Variants in TET1 observed in about 807,000 individuals in gnomAD.
TET1 encodes tet methylcytosine dioxygenase 1.
A neutral mutation model predicts 148.7 loss-of-function variants in TET1; 13 were observed. The observed-to-expected ratio is 0.09, with a 90% CI of 0.06 to 0.14. TET1 has a LOEUF of 0.14. Ranked by LOEUF, TET1 falls within the 10% of genes least tolerant of loss-of-function variation. The probability of loss-of-function intolerance (pLI) is 1.00; values close to 1 mark genes in which losing one functional copy is unlikely to be tolerated. For synonymous variants in TET1, 907 were observed against 937.2 expected (o/e 0.97, Z 0.59); for missense variants, 2,182 against 2,553.8 (o/e 0.85, Z 3.14).
chr10:68,668,302 G>A (rs1027771087), intron 7 of TET1, among the ~76,000 whole-genome samples: 3 of 152,134 alleles, frequency 2.0e-5, no homozygotes, highest in African/African-American at 7.2e-5. Context: ...TTTGGATCTG[G>A]ATGTTGAGTG....
chr10:68,644,758 T>A lies in TET1; in HGVS notation c.2029T>A (p.Cys677Ser), dbSNP rs146391369. ...PKSESMDYSR[C>S]GHGEEQKLEL... ...GTCAGAATCCATGGACTACAGTAGA[T>A]GTGGTCATGGGGAAGAACAAAAATT... The change falls in exon 4 of 12, where the codon TGT (cysteine) becomes AGT (serine). Residue 677 changes from cysteine to serine, a missense_variant. Cys to Ser is a moderately radical substitution (Grantham distance 112). Around this residue, in one of 11 missense-constraint regions of TET1, gnomAD observed 226 missense variants for 307.4 expected, o/e 0.74. Transcript: ENST00000373644. 3.1e-4 allele frequency: 507 copies of A among 1,611,610 alleles called. No homozygotes were observed. Among genetic ancestry groups the A allele is most frequent in the Non-Finnish European group, 3.9e-4 (461 of 1,179,418 alleles).
chr10:68,644,961 A>G lies in TET1; in HGVS notation c.2232A>G (p.Lys744=), dbSNP rs375297422. ...EKSKNSEVDK[K]RTKSPKLFVQ... is the part of the protein sequence containing the mutation. ...CGAAAAACTCTGAAGTTGACAAGAA[A>G]CGAACCAAATCTCCAAAATTGTTTG... Residue 744 remains lysine (K), a synonymous_variant, in exon 4 of 12, where the codon AAA becomes AAG. Transcript: ENST00000373644. 1.7e-5 allele frequency: 28 copies of G among 1,613,602 alleles called. 1 individual carries two copies. Among genetic ancestry groups the G allele is most frequent in the African/African-American group, 1.7e-4 (13 of 75,036 alleles).
chr10:68,683,655 G>T (rs571936226), intron 10 of TET1, among the ~76,000 whole-genome samples: 43 of 150,974 alleles, frequency 2.8e-4, no homozygotes, highest in Non-Finnish European at 5.0e-4. Context: ...CTCGTGATCC[G>T]CCCACCTTGG....
intron 1 of TET1, among the ~76,000 whole-genome samples, chr10:68,561,942 A>G (rs1177372938): frequency 1.3e-5 from 2 of 151,720 alleles, no homozygotes; most frequent in Non-Finnish European, 2.9e-5. Flanking sequence ...TCCCAAATTA[A>G]CCAACCTTTC....
chr10:68,598,956 G>GCC (rs2054020054), intron 2 of TET1, among the ~76,000 whole-genome samples: 1 of 152,058 alleles, frequency 6.6e-6, no homozygotes, highest in Non-Finnish European at 1.5e-5. Flanking sequence ...CAAAGTGTTA[G>GCC]GATTACAGGC....
intron 2 of TET1, among the ~76,000 whole-genome samples, chr10:68,590,421 C>T (rs2053906335): frequency 6.6e-6 from 1 of 152,220 alleles, no homozygotes; most frequent in Middle Eastern, 3.4e-3. Flanking sequence ...CATGAGCCAC[C>T]ACACCCAGCT....
chr10:68,560,449 C>G lies in TET1; in HGVS notation c.-416C>G, dbSNP rs1035469403. On this transcript the variant is annotated 5_prime_UTR_variant, in exon 1 of 12. Coordinates refer to ENST00000373644, the MANE Select transcript of TET1 (RefSeq NM_030625.3). ...TTTGTGCGCGCAGCCGCTGGCCCCT[C>G]TACTCCCGGGTCTGCCCCCCGGGAC... Among the ~76,000 whole-genome samples, 1 of 152,242 alleles carries G rather than the reference C, an allele frequency of 6.6e-6. No individual in the cohort carries two copies. Among genetic ancestry groups the G allele is most frequent in the African/African-American group, 2.4e-5 (1 of 41,468 alleles).
At chr10:68,620,918 A>C (rs2054361048) in intron 3 of TET1, among the ~76,000 whole-genome samples, 2 of 152,142 alleles carry the variant, frequency 1.3e-5, no homozygotes, top group East Asian at 3.9e-4. Flanking sequence ...ACATCTTTTC[A>C]TGTGCCTCTT....
chr10:68,585,364 C>T (rs931704613), intron 2 of TET1, among the ~76,000 whole-genome samples: 13 of 152,088 alleles, frequency 8.5e-5, no homozygotes, highest in Non-Finnish European at 1.6e-4. Context: ...GAACTCCTGA[C>T]GTCAGGTGAT....
chr10:68,670,575 C>T (rs1316475897), intron 7 of TET1, among the ~76,000 whole-genome samples: 2 of 152,218 alleles, frequency 1.3e-5, no homozygotes. Flanking sequence ...GATCTCACAA[C>T]TTATCACATT....
chr10:68,579,547 G>A (rs1486585140), intron 2 of TET1, among the ~76,000 whole-genome samples: 2 of 152,192 alleles, frequency 1.3e-5, no homozygotes, highest in Admixed American at 6.5e-5. Context: ...AGGGAAATCA[G>A]GAAGCTGAAT....
chr10:68,657,176 ATT>A (rs1169492294), intron 6 of TET1, among the ~76,000 whole-genome samples: 1 of 151,776 alleles, frequency 6.6e-6, no homozygotes, highest in African/African-American at 2.4e-5. Context: ...TACAAAAAAA[ATT>A]TTTTTTCTTT....
rs1371106864 is a variant in TET1 at position 68,584,582 on chromosome 10, ACCTGT to A, written c.1914+10331_1914+10335del. ...AAATTAGCCAGGCGTGGTGGCATGC[ACCTGT>A]AATCCCAGCTATGAGGGAGGCTGAG... On this transcript the variant is annotated intron_variant, in intron 2 of 11. Coordinates refer to ENST00000373644, the MANE Select transcript of TET1 (RefSeq NM_030625.3). 3.6e-3 allele frequency among the ~76,000 whole-genome samples: 542 copies of A among 150,432 alleles called. 2 individuals carry two copies. Among genetic ancestry groups the A allele is most frequent in the African/African-American group, 0.013 (525 of 41,140 alleles).
At chr10:68,689,428 C>T (rs545612874) in intron 11 of TET1, among the ~76,000 whole-genome samples, 5 of 152,258 alleles carry the variant, frequency 3.3e-5, no homozygotes, top group South Asian at 2.1e-4. Flanking sequence ...AGGGGCTAGG[C>T]GTGGTGGCTC....
intron 2 of TET1, among the ~76,000 whole-genome samples, chr10:68,579,683 T>C (rs1001729392): frequency 3.3e-5 from 5 of 152,232 alleles, no homozygotes; most frequent in African/African-American, 1.2e-4. Flanking sequence ...AGCAAAACTT[T>C]CAGGGCCTTC....
chr10:68,592,249 G>A (rs2053927055), intron 2 of TET1, among the ~76,000 whole-genome samples: 1 of 152,106 alleles, frequency 6.6e-6, no homozygotes. Flanking sequence ...CCAGGAGGCA[G>A]GGGTTGCAGT....
intron 7 of TET1, among the ~76,000 whole-genome samples, chr10:68,667,756 C>G (rs1341697245): frequency 7.0e-6 from 1 of 143,036 alleles, no homozygotes; most frequent in Non-Finnish European, 1.5e-5. Context: ...AAAAAAAAAA[C>G]AAAAAAGAAA....
intron 3 of TET1, among the ~76,000 whole-genome samples, chr10:68,611,192 G>A (rs1185651180): frequency 6.6e-6 from 1 of 152,040 alleles, no homozygotes; most frequent in Non-Finnish European, 1.5e-5. Context: ...TCGGGAGGCT[G>A]AGGTAGGAAA....
At chr10:68,566,615 T>C (rs1368416659) in intron 1 of TET1, among the ~76,000 whole-genome samples, 1 of 152,172 alleles carries the variant, frequency 6.6e-6, no homozygotes, top group Non-Finnish European at 1.5e-5. Flanking sequence ...GTGTATTTGA[T>C]GTTATCACTA....
Sources: gnomAD v4.1 joint callset for allele counts (sites outside exome capture counted in the v4.1 genomes callset) on GRCh38, gnomAD v4.1.1 for gene constraint, gnomAD v4.1.1 regional missense constraint, MANE v1.5 for transcripts, NCBI Gene and HGNC (gene_info 2026-07-23, HGNC 2026-07-21) for gene names.